SPTSSA: variants seen among roughly 807,000 people sequenced by gnomAD.
SPTSSA encodes serine palmitoyltransferase small subunit A.
In SPTSSA, 8 loss-of-function variants were observed where a neutral mutation model predicts 9.1. The ratio of observed to expected loss-of-function variants is 0.88; its 90% CI spans 0.51 to 1.58. SPTSSA has a LOEUF of 1.58. Ranked by LOEUF, SPTSSA falls within the 40% of genes most tolerant of loss-of-function variation. The probability of loss-of-function intolerance (pLI) is 0.00; values close to 1 mark genes in which losing one functional copy is unlikely to be tolerated. For synonymous variants in SPTSSA, 42 were observed against 37.7 expected, an observed-to-expected ratio of 1.11 and a Z score of -0.41; for missense variants, 100 against 93.8, an observed-to-expected ratio of 1.07 and a Z score of -0.27.
chr14:34,436,795 G>C (rs1883248011), intron 1 of SPTSSA, among the ~76,000 whole-genome samples: 1 of 152,148 alleles, frequency 6.6e-6, no homozygotes, highest in Admixed American at 6.5e-5. Context: ...AAGACTGCCT[G>C]ACTCAAGCCA....
intron 1 of SPTSSA, among the ~76,000 whole-genome samples, chr14:34,447,670 G>T (rs1360716393): frequency 3.9e-5 from 6 of 152,172 alleles, no homozygotes; most frequent in Non-Finnish European, 8.8e-5. Flanking sequence ...CATTGTTTTG[G>T]ACTAAGTTCA....
At chr14:34,460,462 C>CA (rs749291183) in intron 1 of SPTSSA, among the ~76,000 whole-genome samples, 79 of 152,104 alleles carry the variant, frequency 5.2e-4, no homozygotes, top group Non-Finnish European at 9.4e-4. Context: ...CTCCATCCCC[C>CA]AAAAAAGGCA....
chr14:34,450,217 GT>G (rs1883495606), intron 1 of SPTSSA, among the ~76,000 whole-genome samples: 1 of 152,180 alleles, frequency 6.6e-6, no homozygotes, highest in Admixed American at 6.5e-5. Context: ...GACTGTCTAT[GT>G]TTGCCCAAGT....
intron 1 of SPTSSA, among the ~76,000 whole-genome samples, chr14:34,442,120 C>T (rs935416312): frequency 1.5e-4 from 23 of 152,144 alleles, no homozygotes; most frequent in Non-Finnish European, 3.2e-4. Flanking sequence ...AGGCAATCCC[C>T]CCGCCTCGGC....
chr14:34,439,185 G>T (rs890124043), intron 1 of SPTSSA, among the ~76,000 whole-genome samples: 1 of 152,142 alleles, frequency 6.6e-6, no homozygotes, highest in South Asian at 2.1e-4. Flanking sequence ...CTGACCTTTT[G>T]TATCTTCTTA....
chr14:34,448,530 C>A (rs1166856770), intron 1 of SPTSSA, among the ~76,000 whole-genome samples: 1 of 152,106 alleles, frequency 6.6e-6, no homozygotes, highest in Non-Finnish European at 1.5e-5. Context: ...AAGTAAATGA[C>A]TTTGTAACTT....
At position 34,435,026 on chromosome 14, in the gene SPTSSA, TAAAG is replaced by T; in HGVS notation, c.*171_*174del. On this transcript the variant is annotated 3_prime_UTR_variant, in exon 2 of 2. Transcript: ENST00000298130. ...CAAGAGCCTCTTTGAAAATTAAAAA[TAAAG>T]AACACAACACATGAGTCAGGATGAT... 4.6e-6 allele frequency: 2 copies of T among 432,370 alleles called. No individual in the cohort carries two copies. Among genetic ancestry groups the T allele is most frequent in the Non-Finnish European group, 4.2e-6 (1 of 240,268 alleles). 26.8% of individuals were successfully genotyped at this position (432,370 alleles called of 1,614,324 possible).
At chr14:34,455,733 A>G (rs1883608333) in intron 1 of SPTSSA, among the ~76,000 whole-genome samples, 1 of 151,098 alleles carries the variant, frequency 6.6e-6, no homozygotes, top group African/African-American at 2.4e-5. Flanking sequence ...GGAGTTCAAG[A>G]ACAGCCTGGC....
At chr14:34,444,952 C>T (rs978479680) in intron 1 of SPTSSA, among the ~76,000 whole-genome samples, 2 of 151,116 alleles carry the variant, frequency 1.3e-5, no homozygotes, top group African/African-American at 2.4e-5. Context: ...GTTAGCCAGG[C>T]GTGGTGGTGG....
chr14:34,454,237 C>CTCAT (rs1883574572), intron 1 of SPTSSA, among the ~76,000 whole-genome samples: 1 of 152,128 alleles, frequency 6.6e-6, no homozygotes, highest in Non-Finnish European at 1.5e-5. Flanking sequence ...TGTTACAACA[C>CTCAT]TCATAGTCTG....
intron 1 of SPTSSA, among the ~76,000 whole-genome samples, chr14:34,448,237 C>T (rs1199154455): frequency 6.6e-6 from 1 of 151,548 alleles, no homozygotes; most frequent in Non-Finnish European, 1.5e-5. Context: ...GCCTGGGCAA[C>T]AAGAGCAAAA....
At chr14:34,441,606 T>C (rs936225457) in intron 1 of SPTSSA, among the ~76,000 whole-genome samples, 1 of 152,098 alleles carries the variant, frequency 6.6e-6, no homozygotes, top group Non-Finnish European at 1.5e-5. Context: ...AACCTAAAGT[T>C]TGGGATTTTT....
intron 1 of SPTSSA, among the ~76,000 whole-genome samples, chr14:34,450,491 G>C (rs957156465): frequency 6.6e-6 from 1 of 152,168 alleles, no homozygotes; most frequent in East Asian, 1.9e-4. Context: ...CAAAGTAATG[G>C]AGTAATCTTT....
rs759280231 is a variant in SPTSSA at position 34,462,200 on chromosome 14, C to T, written c.8G>A (p.Gly3Glu). 6.5e-7 allele frequency: 1 copy of T among 1,531,438 alleles called. No homozygotes were observed. The highest frequency in any genetic ancestry group is 8.8e-7 in the Non-Finnish European group (1 of 1,134,978). 94.9% of individuals were successfully genotyped at this position (1,531,438 alleles called of 1,614,324 possible). A position where few individuals can be genotyped will look rare whatever the true frequency, so the allele number is the denominator to read the frequency against. The change falls in exon 1 of 2, where the codon GGG becomes GAG. Residue 3 changes from glycine to glutamate, a missense_variant. Gly to Glu is a moderately conservative substitution (Grantham distance 98, BLOSUM62 -2). Coordinates refer to ENST00000298130, the MANE Select transcript of SPTSSA (RefSeq NM_138288.4). Reference protein sequence around the residue: MAGMALARAWKQM... With the variant: MAEMALARAWKQM... ...CTTCCAGGCCCGCGCCAGCGCCATCCCCGCCATGCGCCTCCCGCGATGCAG... is the reference window on the plus strand; with the variant it reads ...CTTCCAGGCCCGCGCCAGCGCCATCTCCGCCATGCGCCTCCCGCGATGCAG...
intron 1 of SPTSSA, among the ~76,000 whole-genome samples, chr14:34,460,949 A>G: frequency 6.6e-6 from 1 of 152,200 alleles, no homozygotes; most frequent in East Asian, 1.9e-4. Context: ...AAATTCCTCA[A>G]AAGTGCTTAA....
rs1297688426 is a variant in SPTSSA at position 34,435,356 on chromosome 14, C to T, written c.113-52G>A. 3.8e-6 allele frequency: 5 copies of T among 1,307,516 alleles called. No homozygotes were observed. The Admixed American group carries it at 9.6e-5, about 25-fold the overall frequency. 81.0% of individuals were successfully genotyped at this position (1,307,516 alleles called of 1,614,324 possible). A position where few individuals can be genotyped will look rare whatever the true frequency, so the allele number is the denominator to read the frequency against. On this transcript the variant is annotated intron_variant, in intron 1 of 1. Transcript: ENST00000298130. ...ATTATTAATTTATTCAAAACTAAAT[C>T]TCCACATGTCTTCAACAACTCTTTT...
At chr14:34,457,920 C>T (rs2787441) in intron 1 of SPTSSA, among the ~76,000 whole-genome samples, 163 of 139,968 alleles carry the variant, frequency 1.2e-3, no homozygotes, top group African/African-American at 4.0e-3. Flanking sequence ...TGCAGTGAAC[C>T]GAGATCGCAC....
At chr14:34,446,226 G>A (rs1883420353) in intron 1 of SPTSSA, among the ~76,000 whole-genome samples, 2 of 152,244 alleles carry the variant, frequency 1.3e-5, no homozygotes, top group African/African-American at 2.4e-5. Context: ...AACTGAGAGG[G>A]GTCCCTGCAC....
intron 1 of SPTSSA, among the ~76,000 whole-genome samples, chr14:34,456,277 G>C (rs11156845): frequency 1.3e-5 from 2 of 150,720 alleles, no homozygotes; most frequent in African/African-American, 4.9e-5. Context: ...AGCTGAGATC[G>C]CGTCATTGCA....
Sources: allele counts gnomAD v4.1 joint callset (sites outside exome capture counted in the v4.1 genomes callset), GRCh38; gene constraint gnomAD v4.1.1; transcripts MANE v1.5; gene names NCBI Gene and HGNC (gene_info 2026-07-23, HGNC 2026-07-21).